YBX1: variants seen among roughly 807,000 people sequenced by gnomAD.
YBX1 encodes Y-box-binding protein 1.
Under a neutral mutation model 41.4 loss-of-function variants are expected in YBX1, and 3 were observed. That is an observed-to-expected ratio of 0.07 (90% CI 0.03 to 0.19). The LOEUF (loss-of-function observed/expected upper bound fraction) is 0.19, where lower values mean the gene tolerates loss of function less well. Ranked by LOEUF, YBX1 falls within the 10% of genes least tolerant of loss-of-function variation. The probability of loss-of-function intolerance (pLI) is 1.00; values close to 1 mark genes in which losing one functional copy is unlikely to be tolerated. For synonymous variants in YBX1, 133 were observed against 165.8 expected, an observed-to-expected ratio of 0.80 and a Z score of 1.52; for missense variants, 274 against 462.8, an observed-to-expected ratio of 0.59 and a Z score of 3.74.
Position 42,699,045 on chromosome 1 carries a change from G to C in YBX1, c.741-1736G>C, listed in dbSNP as rs182407738. On this transcript the variant is annotated intron_variant, in intron 6 of 7. Transcript: ENST00000321358. ...AATAGTAGTAAGGGGAAAATGGGGG[G>C]TCAAAAAGGGAGGTTTTTTGTTGAG... Among the ~76,000 whole-genome samples the C allele has an allele frequency of 2.6e-4, 39 of 152,144 alleles. No homozygotes were observed. In the East Asian group the frequency reaches 7.5e-3, roughly 29 times the overall value.
intron 3 of YBX1, among the ~76,000 whole-genome samples, chr1:42,694,954 TAA>T (rs1283979129): frequency 6.6e-6 from 1 of 152,100 alleles, no homozygotes; most frequent in Admixed American, 6.6e-5. Flanking sequence ...TTGATAAAAA[TAA>T]AGAGTTGGGA....
chr1:42,683,214 C>G (rs759954947), intron 1 of YBX1, 189 bp from the exon 2 acceptor site: 15 of 724,772 alleles, frequency 2.1e-5, no homozygotes, highest in East Asian at 5.5e-5. Flanking sequence ...TGGAGCGCCC[C>G]GCGCTTCAGA....
chr1:42,691,575 A>G lies in YBX1; in HGVS notation c.231-1915A>G, dbSNP rs149468496. Among the ~76,000 whole-genome samples, 195 of 152,332 alleles carry G rather than the reference A, an allele frequency of 1.3e-3. 1 individual carries two copies. The highest frequency in any genetic ancestry group is 4.4e-3 in the African/African-American group (182 of 41,576). ...ATATGTGAATACCTGTTGTAACTACATTAGAAGGCATAACAAACAGTCAGA... is the reference window on the plus strand; with the variant it reads ...ATATGTGAATACCTGTTGTAACTACGTTAGAAGGCATAACAAACAGTCAGA... On this transcript the variant is annotated intron_variant, in intron 2 of 7. Coordinates refer to ENST00000321358, the MANE Select transcript of YBX1 (RefSeq NM_004559.5).
intron 1 of YBX1, 101 bp downstream of exon 1, chr1:42,682,832 C>T (rs1166498494): frequency 5.5e-6 from 4 of 724,954 alleles, no homozygotes; most frequent in East Asian, 4.3e-5. Context: ...CCGGTGGGCA[C>T]CGACTCCGCG....
At chr1:42,691,552 A>G (rs1186433795) in intron 2 of YBX1, among the ~76,000 whole-genome samples, 1 of 152,174 alleles carries the variant, frequency 6.6e-6, no homozygotes, top group Non-Finnish European at 1.5e-5. Context: ...TGATATTGAT[A>G]TGTGAATACC....
At chr1:42,690,919 A>G (rs1650313864) in intron 2 of YBX1, among the ~76,000 whole-genome samples, 1 of 152,238 alleles carries the variant, frequency 6.6e-6, no homozygotes, top group Non-Finnish European at 1.5e-5. Context: ...GAAAAGGGTC[A>G]GTTCCAGTGT....
chr1:42,700,259 C>G (rs1650560966), intron 6 of YBX1, among the ~76,000 whole-genome samples: 1 of 151,920 alleles, frequency 6.6e-6, no homozygotes, highest in Non-Finnish European at 1.5e-5. Flanking sequence ...GAGGAAAGGC[C>G]AGGAATCCAT....
intron 2 of YBX1, 22 bp downstream of exon 2, chr1:42,683,488 C>T (rs1650112717): frequency 2.5e-6 from 4 of 1,612,430 alleles, no homozygotes; most frequent in Non-Finnish European, 3.4e-6. Context: ...GGCTCTGAAG[C>T]CTCCATCCCA....
At chr1:42,683,223 G>C (rs1321410741) in intron 1 of YBX1, 180 bp from the exon 2 acceptor site, 6 of 750,420 alleles carry the variant, frequency 8.0e-6, no homozygotes, top group African/African-American at 1.7e-5. Flanking sequence ...CCGCGCTTCA[G>C]ACTCACCCAC....
Position 42,700,953 on chromosome 1 carries a change from G to T in YBX1, c.913G>T (p.Ala305Ser), listed in dbSNP as rs759935485. Residue 305 changes from alanine to serine, a missense_variant, in exon 7 of 8, where the codon GCA becomes TCA. Around this residue, in one of 3 missense-constraint regions of YBX1, gnomAD observed 187 missense variants for 306.3 expected, o/e 0.61. Coordinates refer to ENST00000321358, the MANE Select transcript of YBX1 (RefSeq NM_004559.5). ...PKPQDGKETK[A>S]ADPPAENSSA... ...ACCACAAGATGGCAAAGAGACAAAA[G>T]CAGCCGATCCACCAGCTGAGAATTC... The T allele has an allele frequency of 6.2e-6, 10 of 1,613,770 alleles. No homozygotes were observed. Among genetic ancestry groups the T allele is most frequent in the Non-Finnish European group, 7.6e-6 (9 of 1,179,982 alleles).
rs758634267 is a variant in YBX1, at chr1:42,693,471, A to G, written c.231-19A>G. On this transcript the variant is annotated intron_variant, in intron 2 of 7. Coordinates refer to ENST00000321358, the MANE Select transcript of YBX1 (RefSeq NM_004559.5). The stretch of plus-strand genomic sequence containing the variant: ...TTTATTTCATTTTCTAACTTGTTCA[A>G]CTTGGTTCTGTCTTGCAGGAATGAC... The G allele has an allele frequency of 1.1e-5, 18 of 1,613,198 alleles. No individual in the cohort carries two copies. Among genetic ancestry groups the G allele is most frequent in the Non-Finnish European group, 1.5e-5 (18 of 1,179,524 alleles).
Position 42,700,963 on chromosome 1 carries a change from C to A in YBX1, c.923C>A (p.Pro308Gln), listed in dbSNP as rs538500031. Reference protein sequence around the residue: ...QDGKETKAADPPAENSSAPEA... With the variant: ...QDGKETKAADQPAENSSAPEA... ...GGCAAAGAGACAAAAGCAGCCGATC[C>A]ACCAGCTGAGAATTCGTCCGCTCCC... The change falls in exon 7 of 8, where the codon CCA becomes CAA. Residue 308 changes from proline (P) to glutamine (Q), a missense_variant. Physicochemically the swap from Pro to Gln is moderately conservative, Grantham distance 76. Transcript: ENST00000321358. 6.2e-7 allele frequency: 1 copy of A among 1,614,154 alleles called. No homozygotes were observed. The highest frequency in any genetic ancestry group is 8.5e-7 in the Non-Finnish European group (1 of 1,180,030).
chr1:42,698,657 A>G (rs1301510668), intron 6 of YBX1, among the ~76,000 whole-genome samples: 1 of 152,164 alleles, frequency 6.6e-6, no homozygotes, highest in East Asian at 1.9e-4. Context: ...TTGTCTTTAT[A>G]TTGACAAACA....
chr1:42,700,888 G>A lies in YBX1; in HGVS notation c.848G>A (p.Arg283His), dbSNP rs1650583448. 3.7e-6 allele frequency: 6 copies of A among 1,613,974 alleles called. No individual in the cohort carries two copies. The highest frequency in any genetic ancestry group is 1.1e-5 in the South Asian group (1 of 91,074). The change falls in exon 7 of 8, where the codon CGC (arginine) becomes CAC (histidine). Residue 283 changes from arginine (R) to histidine (H), a missense_variant. Physicochemically the swap from Arg to His is conservative, Grantham distance 29. Around this residue, in one of 3 missense-constraint regions of YBX1, gnomAD observed 187 missense variants for 306.3 expected, o/e 0.61. Coordinates refer to ENST00000321358, the MANE Select transcript of YBX1 (RefSeq NM_004559.5). ...CAGCCACCTCAACGTCGGTACCGCC[G>A]CAACTTCAATTACCGACGCAGACGC... ...GQQPPQRRYR[R>H]NFNYRRRRPE...
intron 2 of YBX1, among the ~76,000 whole-genome samples, chr1:42,690,852 A>C (rs902684462): frequency 6.6e-6 from 1 of 152,146 alleles, no homozygotes; most frequent in Non-Finnish European, 1.5e-5. Flanking sequence ...TTATTTCTAC[A>C]TCTTGAAGAC....
chr1:42,693,272 CTTTT>C (rs144349068), intron 2 of YBX1, among the ~76,000 whole-genome samples: 3 of 144,112 alleles, frequency 2.1e-5, no homozygotes, highest in Non-Finnish European at 4.6e-5. Context: ...ATTTCTTAGA[CTTTT>C]TTTTTTTTTT....
intron 2 of YBX1, among the ~76,000 whole-genome samples, chr1:42,689,475 A>C (rs570732689): frequency 3.3e-5 from 5 of 152,180 alleles, no homozygotes; most frequent in Non-Finnish European, 5.9e-5. Flanking sequence ...GCATTTAGTT[A>C]CGGATAAATT....
At chr1:42,686,606 C>T (rs1220795284) in intron 2 of YBX1, among the ~76,000 whole-genome samples, 2 of 152,304 alleles carry the variant, frequency 1.3e-5, no homozygotes, top group East Asian at 3.9e-4. Context: ...TCTTTAGTCA[C>T]GCCTATCAGG....
chr1:42,696,393 C>G lies in YBX1; in HGVS notation c.354+105C>G. 8.5e-7 allele frequency: 1 copy of G among 1,179,158 alleles called. No individual in the cohort carries two copies. Among genetic ancestry groups the G allele is most frequent in the South Asian group, 1.5e-5 (1 of 67,458 alleles). 73.0% of individuals were successfully genotyped at this position (1,179,158 alleles called of 1,614,324 possible). On this transcript the variant is annotated intron_variant, in intron 4 of 7. Coordinates refer to ENST00000321358, the MANE Select transcript of YBX1 (RefSeq NM_004559.5). This position sits in a 1 kb window ranked among gnomAD's most constrained non-coding sequence, Gnocchi z 5.7. ...AATGTGGATGGATGTGTTCAGGTGA[C>G]CTCATGAACACAGGTGCATCAAGCC...
Sources: gnomAD v4.1 joint callset for allele counts (sites outside exome capture counted in the v4.1 genomes callset) on GRCh38, gnomAD v4.1.1 for gene constraint, gnomAD v4.1.1 regional missense constraint, Gnocchi (gnomAD v3.1) non-coding constraint, MANE v1.5 for transcripts, NCBI Gene and HGNC (gene_info 2026-07-23, HGNC 2026-07-21) for gene names.